Variants in SYT2 observed in about 807,000 individuals in gnomAD.
SYT2 encodes synaptotagmin-2.
Under a neutral mutation model 39.9 loss-of-function variants are expected in SYT2, and 15 were observed. That is an observed-to-expected ratio of 0.38 (90% CI 0.25 to 0.58). SYT2 has a LOEUF of 0.58. Ranked by LOEUF, SYT2 falls within the 20% of genes least tolerant of loss-of-function variation. SYT2 has a pLI of 0.70. For missense variants in SYT2, 389 were observed against 530.3 expected, an observed-to-expected ratio of 0.73 and a Z score of 2.62; for synonymous variants, 181 against 204.5, an observed-to-expected ratio of 0.89 and a Z score of 0.98.
chr1:202,702,779 C>A lies in SYT2; in HGVS notation c.-18+7479G>T, dbSNP rs533256418. Among the ~76,000 whole-genome samples, 3 of 152,310 alleles carry A rather than the reference C, an allele frequency of 2.0e-5. No individual in the cohort carries two copies. The East Asian group carries it at 5.8e-4, about 29-fold the overall frequency. ...ACAATGAAAGATACATGGCAGACAG[C>A]CCCAAGAGGGATAGAGGTAAAGACC... On this transcript the variant is annotated intron_variant, in intron 1 of 8. Transcript: ENST00000367268.
At chr1:202,694,022 C>T (rs1653912132) in intron 1 of SYT2, among the ~76,000 whole-genome samples, 1 of 152,168 alleles carries the variant, frequency 6.6e-6, no homozygotes, top group South Asian at 2.1e-4. Context: ...CTCATGAACT[C>T]AGAGCAAGAA....
chr1:202,682,423 A>G (rs1653548837), intron 1 of SYT2, among the ~76,000 whole-genome samples: 1 of 152,250 alleles, frequency 6.6e-6, no homozygotes, highest in African/African-American at 2.4e-5. Context: ...GGCAGAATAC[A>G]GCTCATTGTG....
intron 1 of SYT2, among the ~76,000 whole-genome samples, chr1:202,682,331 G>A (rs539867973): frequency 1.3e-5 from 2 of 152,328 alleles, no homozygotes; most frequent in Admixed American, 6.5e-5. Context: ...CCCACAGTGG[G>A]AAACACAGAG....
rs563864431 is a variant in SYT2, at chr1:202,599,285, T to C, written c.986A>G (p.Lys329Arg). ...KRLKKKKTTV[K>R]KKTLNPYFNE... is the part of the protein sequence containing the mutation. ...GAAGTATGGGTTCAGGGTCTTCTTCTTCACGGTTGTCTTCTTCTTCTTGAG... is the reference window on the plus strand; with the variant it reads ...GAAGTATGGGTTCAGGGTCTTCTTCCTCACGGTTGTCTTCTTCTTCTTGAG... Residue 329 changes from lysine to arginine, a missense_variant, in exon 8 of 9, where the codon AAG (lysine) becomes AGG (arginine). Lys to Arg is a conservative substitution (Grantham distance 26). Transcript: ENST00000367268. This position sits in a 1 kb window ranked among gnomAD's most constrained non-coding sequence, Gnocchi z 4.4. 168 of 1,610,716 alleles carry C rather than the reference T, an allele frequency of 1.0e-4. 2 individuals are homozygous for C. The South Asian group carries it at 1.7e-3, about 17-fold the overall frequency.
Position 202,594,766 on chromosome 1 carries a change from A to G in SYT2, c.*1991T>C, listed in dbSNP as rs1445302621. 6.6e-6 allele frequency: 1 copy of G among 151,790 alleles called. No homozygotes were observed. The highest frequency in any genetic ancestry group is 1.9e-4 in the East Asian group (1 of 5,182). 9.4% of individuals were successfully genotyped at this position (151,790 alleles called of 1,614,324 possible). A position where few individuals can be genotyped will look rare whatever the true frequency, so the allele number is the denominator to read the frequency against. On this transcript the variant is annotated 3_prime_UTR_variant, in exon 9 of 9. Coordinates refer to ENST00000367268, the MANE Select transcript of SYT2 (RefSeq NM_177402.5). ...ACTTCCCATGTACCACTAACAAGAC[A>G]AAGAAGGATCTCCAAGAGACAGGCA...
intron 1 of SYT2, among the ~76,000 whole-genome samples, chr1:202,620,067 G>A (rs190848572): frequency 6.6e-5 from 10 of 152,346 alleles, no homozygotes; most frequent in African/African-American, 2.2e-4. Context: ...GAAAGCTCAG[G>A]AAGGGGGAGT....
intron 1 of SYT2, chr1:202,632,384 G>A (rs1430678850): frequency 4.9e-6 from 1 of 203,034 alleles, no homozygotes; most frequent in African/African-American, 2.4e-5. Flanking sequence ...GAGACACGCA[G>A]ATATTGGGGG....
At chr1:202,651,215 G>C (rs1213376527) in intron 1 of SYT2, among the ~76,000 whole-genome samples, 2 of 152,190 alleles carry the variant, frequency 1.3e-5, no homozygotes, top group Non-Finnish European at 2.9e-5. Context: ...GGATGGATTT[G>C]CTCATCTACA....
chr1:202,656,922 T>C (rs1259380288), intron 1 of SYT2, among the ~76,000 whole-genome samples: 1 of 152,192 alleles, frequency 6.6e-6, no homozygotes, highest in Non-Finnish European at 1.5e-5. Flanking sequence ...AGTCCAGCCC[T>C]TCAGAATACA....
chr1:202,599,159 C>T lies in SYT2; in HGVS notation c.1053+59G>A, dbSNP rs1477408626. The T allele has an allele frequency of 6.2e-7, 1 of 1,600,566 alleles. No homozygotes were observed. The highest frequency in any genetic ancestry group is 1.4e-5 in the African/African-American group (1 of 73,878). On this transcript the variant is annotated intron_variant, in intron 8 of 8. Transcript: ENST00000367268. This position sits in a 1 kb window ranked among gnomAD's most constrained non-coding sequence, Gnocchi z 4.4. ...GGTGAGTTCCCTCTCTTCAACCTCCCCATACATGTTTGCCTCCCCAAACCC... is the reference window on the plus strand; with the variant it reads ...GGTGAGTTCCCTCTCTTCAACCTCCTCATACATGTTTGCCTCCCCAAACCC...
chr1:202,689,214 A>T (rs867796697), intron 1 of SYT2, among the ~76,000 whole-genome samples: 2 of 152,178 alleles, frequency 1.3e-5, no homozygotes, highest in Non-Finnish European at 2.9e-5. Context: ...GGAGATTAGC[A>T]CATACCCCTG....
At position 202,596,321 on chromosome 1, in the gene SYT2, ACACACACACACACACGAT is replaced by A; in HGVS notation, c.*418_*435del. ...CACACACACACATACACACACACAC[ACACACACACACACACGAT>A]CATTGGCCACTGTGATGCCTTCCCT... On this transcript the variant is annotated 3_prime_UTR_variant, in exon 9 of 9. Transcript: ENST00000367268. 2 of 174,760 alleles carry A rather than the reference ACACACACACACACACGAT, an allele frequency of 1.1e-5. No homozygotes were observed. Among genetic ancestry groups the A allele is most frequent in the Non-Finnish European group, 2.3e-5 (2 of 86,316 alleles). The allele number at this position is 174,760 out of a possible 1,614,324, so 10.8% of individuals were successfully genotyped here.
At chr1:202,617,284 C>A (rs767029922) in intron 1 of SYT2, among the ~76,000 whole-genome samples, 1 of 152,094 alleles carries the variant, frequency 6.6e-6, no homozygotes, top group Non-Finnish European at 1.5e-5. Context: ...GGAGGTGGGG[C>A]CTGGTGAGAG....
chr1:202,604,286 G>T, intron 3 of SYT2, 169 bp downstream of exon 3: 1 of 670,878 alleles, frequency 1.5e-6, no homozygotes, highest in East Asian at 2.5e-5. Context: ...CCCCTCCCAG[G>T]GGCCTCCAGG....
At chr1:202,642,117 C>A (rs1158257201) in intron 1 of SYT2, among the ~76,000 whole-genome samples, 1 of 152,162 alleles carries the variant, frequency 6.6e-6, no homozygotes, top group East Asian at 1.9e-4. Flanking sequence ...AAATTCCAAA[C>A]CCCATTTTCC....
intron 1 of SYT2, among the ~76,000 whole-genome samples, chr1:202,657,525 C>G (rs1436147218): frequency 6.6e-6 from 1 of 152,182 alleles, no homozygotes; most frequent in Non-Finnish European, 1.5e-5. Flanking sequence ...AGCAGTCAGA[C>G]AGCTCTGTGA....
At chr1:202,616,663 C>T (rs1001570965) in intron 1 of SYT2, among the ~76,000 whole-genome samples, 7 of 152,206 alleles carry the variant, frequency 4.6e-5, no homozygotes, top group East Asian at 1.9e-4. Context: ...AAACCCAGGG[C>T]GCATTTTCAT....
chr1:202,624,791 ATGGCAT>A (rs1691322917), intron 1 of SYT2, among the ~76,000 whole-genome samples: 3 of 106,866 alleles, frequency 2.8e-5, no homozygotes, highest in South Asian at 3.4e-4. Flanking sequence ...TGTGGTGTGT[ATGGCAT>A]GTAGCATGGT....
chr1:202,690,870 C>T (rs746052690), intron 1 of SYT2, among the ~76,000 whole-genome samples: 18 of 152,170 alleles, frequency 1.2e-4, no homozygotes, highest in Non-Finnish European at 2.4e-4. Context: ...AAGCCTTGGG[C>T]TCACTGCAGT....
Sources: gnomAD v4.1 joint callset for allele counts (sites outside exome capture counted in the v4.1 genomes callset) on GRCh38, gnomAD v4.1.1 for gene constraint, Gnocchi (gnomAD v3.1) non-coding constraint, MANE v1.5 for transcripts, NCBI Gene and HGNC (gene_info 2026-07-23, HGNC 2026-07-21) for gene names.